Variants in FUT9 observed in about 807,000 individuals in gnomAD.
The protein encoded by FUT9 is 4-galactosyl-N-acetylglucosaminide 3-alpha-L-fucosyltransferase 9.
A neutral mutation model predicts 29.7 loss-of-function variants in FUT9; 15 were observed. The ratio of observed to expected loss-of-function variants is 0.51; its 90% CI spans 0.34 to 0.78. The LOEUF (loss-of-function observed/expected upper bound fraction) is 0.78, where lower values mean the gene tolerates loss of function less well. Ranked by LOEUF, FUT9 falls within the 30% of genes least tolerant of loss-of-function variation. The pLI, the probability that FUT9 is intolerant of heterozygous loss-of-function variation, is 0.01. For synonymous variants in FUT9, 169 were observed against 153.7 expected (o/e 1.10, Z -0.74); for missense variants, 319 against 425.4 (o/e 0.75, Z 2.20).
intron 2 of FUT9, among the ~76,000 whole-genome samples, chr6:96,159,318 G>C (rs1421320434): frequency 6.6e-6 from 1 of 152,034 alleles, no homozygotes. Context: ...TGCAGGAATT[G>C]ATGTTGATCC....
intron 2 of FUT9, among the ~76,000 whole-genome samples, chr6:96,128,832 T>C (rs1772179413): frequency 6.6e-6 from 1 of 151,934 alleles, no homozygotes; most frequent in Admixed American, 6.6e-5. Flanking sequence ...GATTAAAATA[T>C]CAAACTAAAG....
intron 1 of FUT9, among the ~76,000 whole-genome samples, chr6:96,017,421 A>C (rs1769998858): frequency 6.6e-6 from 1 of 152,196 alleles, no homozygotes; most frequent in African/African-American, 2.4e-5. Flanking sequence ...TTGGAGTGCG[A>C]GAAAATAAAG....
chr6:96,163,188 T>C (rs898790069), intron 2 of FUT9, among the ~76,000 whole-genome samples: 1 of 152,116 alleles, frequency 6.6e-6, no homozygotes, highest in Non-Finnish European at 1.5e-5. Context: ...ATTTAAATGT[T>C]CCTACCAGTT....
chr6:96,205,374 G>A lies in FUT9; in HGVS notation c.*1139G>A, dbSNP rs1256078099. On this transcript the variant is annotated 3_prime_UTR_variant, in exon 3 of 3. Transcript: ENST00000302103. ...ACATTTGTTGGATGAATAAATAAAT[G>A]CAATTGAATTCCCAGAAAAATGATT... The A allele has an allele frequency of 6.0e-6, 1 of 167,006 alleles. No homozygotes were observed. The highest frequency in any genetic ancestry group is 1.5e-5 in the Non-Finnish European group (1 of 68,086). The allele number at this position is 167,006 out of a possible 1,614,324, so 10.3% of individuals were successfully genotyped here.
chr6:96,162,688 AG>A (rs1490513817), intron 2 of FUT9, among the ~76,000 whole-genome samples: 1 of 152,204 alleles, frequency 6.6e-6, no homozygotes, highest in Non-Finnish European at 1.5e-5. Context: ...AGTATATGTC[AG>A]AGACCAACGT....
At chr6:96,191,938 C>T (rs1033693894) in intron 2 of FUT9, among the ~76,000 whole-genome samples, 2 of 152,048 alleles carry the variant, frequency 1.3e-5, no homozygotes, top group Non-Finnish European at 2.9e-5. Flanking sequence ...ATAAACAGAA[C>T]CAAAGACAAA....
intron 1 of FUT9, among the ~76,000 whole-genome samples, chr6:96,023,058 T>C (rs566212687): frequency 7.9e-5 from 12 of 151,958 alleles, no homozygotes; most frequent in Admixed American, 5.3e-4. Flanking sequence ...ACTAACACAG[T>C]GTGTTGGTTT....
At chr6:96,041,863 T>C (rs1389327858) in intron 1 of FUT9, among the ~76,000 whole-genome samples, 1 of 152,232 alleles carries the variant, frequency 6.6e-6, no homozygotes. Context: ...TAGTGTTTTT[T>C]CTGTTATTGT....
chr6:96,156,980 T>C (rs1209433507), intron 2 of FUT9, among the ~76,000 whole-genome samples: 2 of 152,204 alleles, frequency 1.3e-5, no homozygotes, highest in African/African-American at 4.8e-5. Flanking sequence ...ATGTTCTTTT[T>C]CCCCTCCATT....
intron 1 of FUT9, among the ~76,000 whole-genome samples, chr6:96,092,579 C>T (rs1771428811): frequency 2.0e-5 from 3 of 152,068 alleles, no homozygotes; most frequent in South Asian, 4.1e-4. Flanking sequence ...CTTCACCTGA[C>T]TTCTTCATTC....
chr6:96,024,132 A>G (rs1770121736), intron 1 of FUT9, among the ~76,000 whole-genome samples: 1 of 151,950 alleles, frequency 6.6e-6, no homozygotes, highest in Non-Finnish European at 1.5e-5. Context: ...AAACTCCATT[A>G]GCTAAATCAG....
chr6:96,179,756 G>GAAA (rs34087396), intron 2 of FUT9, among the ~76,000 whole-genome samples: 3 of 151,540 alleles, frequency 2.0e-5, no homozygotes, highest in African/African-American at 4.9e-5. Context: ...GAGAACACCT[G>GAAA]AAAAAAAATA....
At chr6:96,133,001 T>C (rs1409249853) in intron 2 of FUT9, among the ~76,000 whole-genome samples, 1 of 152,014 alleles carries the variant, frequency 6.6e-6, no homozygotes, top group African/African-American at 2.4e-5. Flanking sequence ...GATATGTTCT[T>C]TAGTGGTGGT....
chr6:96,134,126 A>G (rs1159329802), intron 2 of FUT9, among the ~76,000 whole-genome samples: 2 of 151,870 alleles, frequency 1.3e-5, no homozygotes, highest in African/African-American at 4.8e-5. Flanking sequence ...AAAATTAATA[A>G]AATAGTTTTC....
At chr6:96,046,047 T>G (rs1770557536) in intron 1 of FUT9, among the ~76,000 whole-genome samples, 1 of 152,194 alleles carries the variant, frequency 6.6e-6, no homozygotes, top group African/African-American at 2.4e-5. Context: ...ACATTCTTTC[T>G]TTGTATGTAT....
chr6:96,036,208 A>G lies in FUT9; in HGVS notation c.-98+19996A>G, dbSNP rs1035268271. On this transcript the variant is annotated intron_variant, in intron 1 of 2. Transcript: ENST00000302103. Reference sequence around the variant, plus strand: ...TTATACTTCAGAATCGAGATTCTATATAAATACTAAATAGCTTAATATTTA... The same window carrying G: ...TTATACTTCAGAATCGAGATTCTATGTAAATACTAAATAGCTTAATATTTA... 4.0e-5 allele frequency among the ~76,000 whole-genome samples: 6 copies of G among 150,516 alleles called. No individual in the cohort carries two copies. The South Asian group carries it at 1.2e-3, about 31-fold the overall frequency.
At chr6:96,056,391 C>A (rs1215348253) in intron 1 of FUT9, among the ~76,000 whole-genome samples, 1 of 152,178 alleles carries the variant, frequency 6.6e-6, no homozygotes, top group Non-Finnish European at 1.5e-5. Flanking sequence ...GGTGGAGAAT[C>A]AGTACTACAA....
Position 96,040,051 on chromosome 6 carries a change from G to A in FUT9, c.-98+23839G>A, listed in dbSNP as rs1016747333. Among the ~76,000 whole-genome samples the A allele has an allele frequency of 2.6e-5, 4 of 151,854 alleles. No individual in the cohort carries two copies. The East Asian group carries it at 5.8e-4, about 22-fold the overall frequency. ...AGGCTCTCATTACATGTTAAGTAGC[G>A]ATAACTAATTTATCATACCATGTAT... On this transcript the variant is annotated intron_variant, in intron 1 of 2. Transcript: ENST00000302103.
At chr6:96,181,407 A>G (rs1430168979) in intron 2 of FUT9, among the ~76,000 whole-genome samples, 1 of 150,130 alleles carries the variant, frequency 6.7e-6, no homozygotes, top group Non-Finnish European at 1.5e-5. Flanking sequence ...GTTATAAGGC[A>G]TCTCCATTTT....
Sources: gnomAD v4.1 joint callset for allele counts (sites outside exome capture counted in the v4.1 genomes callset) on GRCh38, gnomAD v4.1.1 for gene constraint, MANE v1.5 for transcripts, NCBI Gene and HGNC (gene_info 2026-07-23, HGNC 2026-07-21) for gene names.